The following ATP2C2 variants were observed in gnomAD, a reference collection of about 807,000 sequenced individuals.
The protein encoded by ATP2C2 is calcium-transporting ATPase type 2C member 2.
Under a neutral mutation model 110.8 loss-of-function variants are expected in ATP2C2, and 171 were observed. The ratio of observed to expected loss-of-function variants is 1.54; its 90% confidence interval spans 1.36 to 1.75. The LOEUF (loss-of-function observed/expected upper bound fraction) is 1.75, where lower values mean the gene tolerates loss of function less well. ATP2C2 is among the 40% of genes most tolerant of loss of function. The pLI, the probability that ATP2C2 is intolerant of heterozygous loss-of-function variation, is 0.00. For synonymous variants in ATP2C2, 804 were observed against 508.4 expected, an observed-to-expected ratio of 1.58 and a Z score of -7.82; for missense variants, 1,963 against 1,235.0, an observed-to-expected ratio of 1.59 and a Z score of -8.84.
At chr16:84,393,808 G>A (rs1265903217) in intron 1 of ATP2C2, among the ~76,000 whole-genome samples, 1 of 151,732 alleles carries the variant, frequency 6.6e-6, no homozygotes, top group Admixed American at 6.6e-5. Flanking sequence ...GAGTCAGGAG[G>A]ACGGTTTCTA....
chr16:84,379,516 G>GT (rs1428971525), intron 1 of ATP2C2, among the ~76,000 whole-genome samples: 1 of 152,204 alleles, frequency 6.6e-6, no homozygotes, highest in Non-Finnish European at 1.5e-5. Context: ...GGGACCAACA[G>GT]TGTGAGCATC....
chr16:84,370,556 G>A (rs1242732175), intron 1 of ATP2C2, among the ~76,000 whole-genome samples: 1 of 152,160 alleles, frequency 6.6e-6, no homozygotes, highest in Admixed American at 6.5e-5. Context: ...GGTTGGCTCA[G>A]ACCTGAACAC....
chr16:84,439,054 C>T, intron 11 of ATP2C2, 112 bp from the exon 12 acceptor site: 1 of 1,469,028 alleles, frequency 6.8e-7, no homozygotes, highest in Non-Finnish European at 9.3e-7. Context: ...AGAACCAGGA[C>T]ACTGGGGACA....
chr16:84,408,558 G>C lies in ATP2C2; in HGVS notation c.417+64G>C. ...CCACAGGTCTGCTGAGTCTCTGCTTGTTATTGTATATAAAGAAAAAAAAGA... is the reference window on the plus strand; with the variant it reads ...CCACAGGTCTGCTGAGTCTCTGCTTCTTATTGTATATAAAGAAAAAAAAGA... On this transcript the variant is annotated intron_variant, in intron 4 of 26. Coordinates refer to ENST00000262429, the MANE Select transcript of ATP2C2 (RefSeq NM_014861.4). 2.0e-5 allele frequency: 27 copies of C among 1,321,984 alleles called. 2 individuals are homozygous for C. The South Asian group carries it at 2.8e-4, about 13-fold the overall frequency. 81.9% of individuals were successfully genotyped at this position (1,321,984 alleles called of 1,614,324 possible). A position where few individuals can be genotyped will look rare whatever the true frequency, so the allele number is the denominator to read the frequency against.
At chr16:84,439,804 G>A (rs775777407) in intron 13 of ATP2C2, among the ~76,000 whole-genome samples, 3 of 152,182 alleles carry the variant, frequency 2.0e-5, no homozygotes, top group Non-Finnish European at 2.9e-5. Context: ...TACCTTCCAC[G>A]ATAAACTAAC....
chr16:84,449,508 G>T (rs247890), intron 17 of ATP2C2, among the ~76,000 whole-genome samples: 5,576 of 152,280 alleles, frequency 0.037, 148 homozygotes, highest in Middle Eastern at 0.078. Flanking sequence ...AAGGAAGGCA[G>T]GAGAGCAGTG....
Position 84,459,127 on chromosome 16 carries a change from G to C in ATP2C2, c.2155G>C (p.Val719Leu), listed in dbSNP as rs373550723. ...GGCTCTCTTCTCTTGCAGGAATGCA[G>C]TGGAGGAAGGCAAGGGTATTTTTTA... ...DDDFSAIMNAVEEGKGIFYNI... is the reference protein window; with the variant it reads ...DDDFSAIMNALEEGKGIFYNI... Residue 719 changes from valine (V) to leucine (L), a missense_variant, in exon 22 of 27, where the codon GTG (valine) becomes CTG (leucine). Val to Leu is a conservative substitution (Grantham distance 32). Coordinates refer to ENST00000262429, the MANE Select transcript of ATP2C2 (RefSeq NM_014861.4). 1.2e-6 allele frequency: 2 copies of C among 1,614,142 alleles called. No individual in the cohort carries two copies. The highest frequency in any genetic ancestry group is 1.7e-6 in the Non-Finnish European group (2 of 1,180,032).
At position 84,389,985 on chromosome 16, in the gene ATP2C2, A is replaced by G. The variant is rs1421632864; in HGVS notation, c.100-8514A>G. Among the ~76,000 whole-genome samples, 10 of 152,158 alleles carry G rather than the reference A, an allele frequency of 6.6e-5. No individual in the cohort carries two copies. The East Asian group carries it at 1.9e-3, about 29-fold the overall frequency. On this transcript the variant is annotated intron_variant, in intron 1 of 26. Coordinates refer to ENST00000262429, the MANE Select transcript of ATP2C2 (RefSeq NM_014861.4). ...TGATCCACCCACCTCAGTCTCCCAA[A>G]GTGCTGGGATTACAGGCCTGAGCCA...
At chr16:84,424,991 A>G (rs1257298173) in intron 10 of ATP2C2, among the ~76,000 whole-genome samples, 1 of 152,030 alleles carries the variant, frequency 6.6e-6, no homozygotes. Flanking sequence ...TTTGGGTTCT[A>G]GCTAAGATTT....
chr16:84,408,175 G>A (rs1905945314), intron 3 of ATP2C2, among the ~76,000 whole-genome samples: 1 of 152,184 alleles, frequency 6.6e-6, no homozygotes, highest in African/African-American at 2.4e-5. Flanking sequence ...GCTGAGGCCG[G>A]TGTCTTCAGG....
chr16:84,444,569 T>G (rs1296347000), intron 15 of ATP2C2, among the ~76,000 whole-genome samples: 1 of 152,216 alleles, frequency 6.6e-6, no homozygotes, highest in Non-Finnish European at 1.5e-5. Context: ...TGGAGCTCAT[T>G]TCCCGTTTTA....
intron 7 of ATP2C2, among the ~76,000 whole-genome samples, chr16:84,416,532 C>T (rs1050065834): frequency 6.6e-6 from 1 of 152,184 alleles, no homozygotes; most frequent in Non-Finnish European, 1.5e-5. Context: ...AAGCTACCCC[C>T]TGGGACCTGG....
Position 84,459,260 on chromosome 16 carries a change from T to C in ATP2C2, c.2217-10T>C, listed in dbSNP as rs1221695837. 1.9e-6 allele frequency: 3 copies of C among 1,613,944 alleles called. No homozygotes were observed. Among genetic ancestry groups the C allele is most frequent in the Non-Finnish European group, 2.5e-6 (3 of 1,179,918 alleles). ...CGGGCGGCCGCTGACTGGCTGCGTG[T>C]GCCCCGCAGGAGCATCTCCGCCCTG... On this transcript the variant is annotated splice_polypyrimidine_tract_variant and intron_variant, in intron 22 of 26. Coordinates refer to ENST00000262429, the MANE Select transcript of ATP2C2 (RefSeq NM_014861.4).
chr16:84,406,945 T>G (rs563660120), intron 3 of ATP2C2, among the ~76,000 whole-genome samples: 2 of 152,080 alleles, frequency 1.3e-5, no homozygotes, highest in Non-Finnish European at 2.9e-5. Context: ...CCAGCCAGGG[T>G]GTTCCCCAAA....
chr16:84,419,355 C>T (rs1907122753), intron 7 of ATP2C2, among the ~76,000 whole-genome samples: 1 of 152,090 alleles, frequency 6.6e-6, no homozygotes, highest in Non-Finnish European at 1.5e-5. Flanking sequence ...TCCCGCACCA[C>T]TGCTTCTGTT....
At chr16:84,405,433 C>T (rs1905678573) in intron 3 of ATP2C2, among the ~76,000 whole-genome samples, 189 bp downstream of exon 3, 1 of 152,150 alleles carries the variant, frequency 6.6e-6, no homozygotes, top group East Asian at 1.9e-4. Flanking sequence ...TCAGGAAAAA[C>T]AGTGATCACT....
At chr16:84,454,084 G>C (rs552459389) in intron 20 of ATP2C2, among the ~76,000 whole-genome samples, 1 of 152,110 alleles carries the variant, frequency 6.6e-6, no homozygotes, top group East Asian at 1.9e-4. Flanking sequence ...CAGGTGATCC[G>C]CCTATCTTCG....
intron 13 of ATP2C2, among the ~76,000 whole-genome samples, chr16:84,440,067 A>C (rs1488606977): frequency 6.6e-6 from 1 of 152,180 alleles, no homozygotes; most frequent in Non-Finnish European, 1.5e-5. Context: ...CAAACTCCTG[A>C]CCTCAGGTGA....
chr16:84,440,874 T>G lies in ATP2C2; in HGVS notation c.1227T>G (p.Tyr409Ter), dbSNP rs1385675470. 2 of 1,613,464 alleles carry G rather than the reference T, an allele frequency of 1.2e-6. No homozygotes were observed. Among genetic ancestry groups the G allele is most frequent in the South Asian group, 1.1e-5 (1 of 90,614 alleles). ...GLRAEVSGVG[Y>*]DGQGTVCLLP... ...CCCTGCAGGTCAGCGGAGTTGGGTATGACGGTCAAGGGACTGTGTGTCTTC... is the reference window on the plus strand; with the variant it reads ...CCCTGCAGGTCAGCGGAGTTGGGTAGGACGGTCAAGGGACTGTGTGTCTTC... The change falls in exon 14 of 27, where the codon TAT becomes TAG. Residue 409 changes from tyrosine (Y) to a stop codon, truncating the protein, a stop_gained. Transcript: ENST00000262429. LOFTEE classifies it high-confidence loss of function.
Sources: gnomAD v4.1 joint callset for allele counts (sites outside exome capture counted in the v4.1 genomes callset) on GRCh38, gnomAD v4.1.1 for gene constraint, MANE v1.5 for transcripts, NCBI Gene and HGNC (gene_info 2026-07-23, HGNC 2026-07-21) for gene names.